KCTD19: variants seen among roughly 807,000 people sequenced by gnomAD.
KCTD19 encodes potassium channel tetramerization domain containing 19, also known as BTB/POZ domain-containing protein KCTD19.
Under a neutral mutation model 103.5 loss-of-function variants are expected in KCTD19, and 67 were observed. That is an observed-to-expected ratio of 0.65 (90% CI 0.53 to 0.79). The LOEUF (loss-of-function observed/expected upper bound fraction) is 0.79, where lower values mean the gene tolerates loss of function less well. Ranked by LOEUF, KCTD19 falls within the 30% of genes least tolerant of loss-of-function variation. The pLI is 0.00. For missense variants in KCTD19, 980 were observed against 1,136.1 expected (o/e 0.86, Z 1.98); for synonymous variants, 439 against 452.2 (o/e 0.97, Z 0.37).
intron 2 of KCTD19, among the ~76,000 whole-genome samples, chr16:67,311,176 G>A (rs1279303229): frequency 6.6e-6 from 1 of 152,192 alleles, no homozygotes; most frequent in African/African-American, 2.4e-5. Context: ...ATGAATACAT[G>A]AGAATACATG....
At chr16:67,321,186 C>CA (rs1567455504) in intron 1 of KCTD19, among the ~76,000 whole-genome samples, 1 of 150,904 alleles carries the variant, frequency 6.6e-6, no homozygotes, top group Admixed American at 6.6e-5. Context: ...GATCCTGTCT[C>CA]AAAAAAGAAA....
At chr16:67,313,848 T>G (rs1415422703) in intron 2 of KCTD19, among the ~76,000 whole-genome samples, 1 of 150,942 alleles carries the variant, frequency 6.6e-6, no homozygotes, top group Non-Finnish European at 1.5e-5. Flanking sequence ...CATGAGCCAC[T>G]GCACCCGGCC....
intron 14 of KCTD19, 21 bp downstream of exon 14, chr16:67,291,288 C>A: frequency 6.2e-7 from 1 of 1,608,920 alleles, no homozygotes; most frequent in South Asian, 1.1e-5. Context: ...TGCCCCAGGG[C>A]CTGAGGCCTG....
At chr16:67,296,282 A>G (rs376894910) in intron 7 of KCTD19, 23 bp from the exon 8 acceptor site, 148 of 1,457,066 alleles carry the variant, frequency 1.0e-4, no homozygotes, top group Non-Finnish European at 1.4e-4. Context: ...AGGAGATAGA[A>G]CACATCATCA....
In KCTD19 at chr16:67,291,295, C is replaced by G. The variant is rs766059021; in HGVS notation, c.2565+14G>C. On this transcript the variant is annotated intron_variant, in intron 14 of 15. Transcript: ENST00000304372. ...GTACAGGGTGCCCCAGGGCCTGAGG[C>G]CTGTCACACATACCCACAGCCGATT... 19 of 1,610,496 alleles carry G rather than the reference C, an allele frequency of 1.2e-5. No homozygotes were observed. The South Asian group carries it at 1.8e-4, about 15-fold the overall frequency.
intron 1 of KCTD19, chr16:67,326,026 A>T (rs934084230): frequency 1.3e-5 from 2 of 151,030 alleles, no homozygotes; most frequent in African/African-American, 4.9e-5. Flanking sequence ...TCCCGGGTTC[A>T]AGCGATTCTC....
At position 67,320,903 on chromosome 16, in the gene KCTD19, AAG is replaced by A. The variant is rs777066812; in HGVS notation, c.4-20_4-19del. 6 of 1,585,832 alleles carry A rather than the reference AAG, an allele frequency of 3.8e-6. No homozygotes were observed. The highest frequency in any genetic ancestry group is 8.6e-7 in the Non-Finnish European group (1 of 1,168,654). ...GACTCCTCCTAAAGGGGGAATGAAA[AAG>A]AGATCTACGCAAGAAAAAGAAATAA... On this transcript the variant is annotated intron_variant, in intron 1 of 15. Coordinates refer to ENST00000304372, the MANE Select transcript of KCTD19 (RefSeq NM_001100915.3). The surrounding 1 kb of genome is among the most constrained non-coding windows in gnomAD (Gnocchi z 4.0).
intron 2 of KCTD19, among the ~76,000 whole-genome samples, chr16:67,307,738 A>G (rs986962885): frequency 6.6e-6 from 1 of 152,196 alleles, no homozygotes; most frequent in Non-Finnish European, 1.5e-5. Context: ...ATAGGCATGA[A>G]CCACTGGGCC....
At chr16:67,316,021 C>T (rs761263960) in intron 2 of KCTD19, among the ~76,000 whole-genome samples, 1 of 152,092 alleles carries the variant, frequency 6.6e-6, no homozygotes, top group Non-Finnish European at 1.5e-5. Context: ...GTCAATGAGG[C>T]CTGTTTGATC....
At position 67,294,725 on chromosome 16, in the gene KCTD19, G is replaced by A. The variant is rs200748914; in HGVS notation, c.1476-31C>T. 4,731 of 1,480,458 alleles carry A rather than the reference G, an allele frequency of 3.2e-3. 12 individuals are homozygous for A. The highest frequency in any genetic ancestry group is 4.2e-3 in the Non-Finnish European group (4,462 of 1,057,826). The allele number at this position is 1,480,458 out of a possible 1,614,324, so 91.7% of individuals were successfully genotyped here. On this transcript the variant is annotated intron_variant, in intron 10 of 15. Coordinates refer to ENST00000304372, the MANE Select transcript of KCTD19 (RefSeq NM_001100915.3). ...GAAACCAAGAGGGGTTGGTTAGTGAGTAGAGACTTCCATCAGGCCATTGGC... is the reference window on the plus strand; with the variant it reads ...GAAACCAAGAGGGGTTGGTTAGTGAATAGAGACTTCCATCAGGCCATTGGC...
At chr16:67,298,166 T>C (rs1290328228) in intron 6 of KCTD19, among the ~76,000 whole-genome samples, 1 of 151,992 alleles carries the variant, frequency 6.6e-6, no homozygotes, top group Non-Finnish European at 1.5e-5. Flanking sequence ...GCTAATTTTT[T>C]GTATTTTTAG....
chr16:67,289,815 C>T (rs998041826), intron 15 of KCTD19, 133 bp from the exon 16 acceptor site: 6 of 604,804 alleles, frequency 9.9e-6, no homozygotes, highest in African/African-American at 9.3e-5. Flanking sequence ...GCTCTAGGGC[C>T]CAGCTCTGCC....
chr16:67,295,093 G>A, intron 9 of KCTD19, 37 bp from the exon 10 acceptor site: 1 of 1,595,458 alleles, frequency 6.3e-7, no homozygotes, highest in Middle Eastern at 1.7e-4. Context: ...TGGGCAGCTA[G>A]GATGAGGGTG....
At chr16:67,297,472 T>C (rs2142505150) in intron 7 of KCTD19, 31 bp downstream of exon 7, 1 of 1,609,978 alleles carries the variant, frequency 6.2e-7, no homozygotes, top group Middle Eastern at 1.7e-4. Flanking sequence ...CCCCTGATGC[T>C]AAATTCAAAC....
intron 9 of KCTD19, 28 bp from the exon 10 acceptor site, chr16:67,295,084 G>A (rs761821556): frequency 2.5e-6 from 4 of 1,600,584 alleles, no homozygotes; most frequent in Non-Finnish European, 8.6e-7. Flanking sequence ...ATATCCAGCT[G>A]GGCAGCTAGG....
chr16:67,322,174 G>T (rs1226085455), intron 1 of KCTD19, among the ~76,000 whole-genome samples: 1 of 152,070 alleles, frequency 6.6e-6, no homozygotes, highest in East Asian at 1.9e-4. Flanking sequence ...TAAAAATGGT[G>T]CTGGGACAAC....
chr16:67,297,365 TA>T, intron 7 of KCTD19, 137 bp downstream of exon 7: 1 of 892,216 alleles, frequency 1.1e-6, no homozygotes, highest in Non-Finnish European at 1.7e-6. Context: ...TTCCCTTTTG[TA>T]AAAATCCAAA....
At position 67,290,923 on chromosome 16, in the gene KCTD19, C is replaced by T. The variant is rs762910080; in HGVS notation, c.2629G>A (p.Asp877Asn). The T allele has an allele frequency of 2.5e-6, 4 of 1,613,970 alleles. No individual in the cohort carries two copies. The highest frequency in any genetic ancestry group is 2.7e-5 in the African/African-American group (2 of 74,930). ...DLLAITGFKD[D>N]RHTQERLYSW... ...TACAGGCGCTCCTGGGTGTGCCGGT[C>T]ATCCTTGAAGCCGGTGATGGCCAGC... The change falls in exon 15 of 16, where the codon GAC (aspartate) becomes AAC (asparagine). Residue 877 changes from aspartate to asparagine, a missense_variant. By Grantham distance (23) the Asp-to-Asn change is conservative. Transcript: ENST00000304372.
intron 9 of KCTD19, 57 bp from the exon 10 acceptor site, chr16:67,295,113 G>A (rs373158408): frequency 1.0e-5 from 16 of 1,569,918 alleles, no homozygotes; most frequent in Non-Finnish European, 1.3e-5. Flanking sequence ...GTGGGAGGGA[G>A]CATGAGCTCC....
Sources: gnomAD v4.1 joint callset for allele counts (sites outside exome capture counted in the v4.1 genomes callset) on GRCh38, gnomAD v4.1.1 for gene constraint, Gnocchi (gnomAD v3.1) non-coding constraint, MANE v1.5 for transcripts, NCBI Gene and HGNC (gene_info 2026-07-23, HGNC 2026-07-21) for gene names.